OSBP2: variants seen among roughly 807,000 people sequenced by gnomAD.
The protein encoded by OSBP2 is oxysterol binding protein 2.
OSBP2 carries 66 observed loss-of-function variants against 96.0 expected under a neutral mutation model. The ratio of observed to expected loss-of-function variants is 0.69; its 90% CI spans 0.56 to 0.84. The LOEUF (loss-of-function observed/expected upper bound fraction) is 0.84. OSBP2 is among the 40% of genes least tolerant of loss of function. The probability of loss-of-function intolerance (pLI) is 0.00; values close to 1 mark genes in which losing one functional copy is unlikely to be tolerated. For synonymous variants in OSBP2, 525 were observed against 520.9 expected (o/e 1.01, Z -0.11); for missense variants, 1,038 against 1,222.7 (o/e 0.85, Z 2.25).
chr22:30,770,373 G>A (rs1287907305), intron 2 of OSBP2, among the ~76,000 whole-genome samples: 1 of 152,058 alleles, frequency 6.6e-6, no homozygotes, highest in East Asian at 1.9e-4. Context: ...TGGGATTACT[G>A]GCATGAGACA....
chr22:30,858,072 G>A lies in OSBP2; in HGVS notation c.854-12357G>A, dbSNP rs9621121. On this transcript the variant is annotated intron_variant, in intron 2 of 13. Transcript: ENST00000332585. ...TGCGCAGCTAGGCCTCGCCAAGGGGGACCAATCATGGGGAGAATCACAAGA... is the reference window on the plus strand; with the variant it reads ...TGCGCAGCTAGGCCTCGCCAAGGGGAACCAATCATGGGGAGAATCACAAGA... 5.0e-3 allele frequency among the ~76,000 whole-genome samples: 753 copies of A among 152,066 alleles called. 8 individuals are homozygous for A. The highest frequency in any genetic ancestry group is 0.017 in the African/African-American group (712 of 41,418).
rs2039709671 is a variant in OSBP2 at position 30,881,796 on chromosome 22, A to T, written c.1108-5630A>T. The T allele has an allele frequency of 7.7e-7, 1 of 1,303,984 alleles. No individual in the cohort carries two copies. Among genetic ancestry groups the T allele is most frequent in the South Asian group, 1.2e-5 (1 of 81,024 alleles). 80.8% of individuals were successfully genotyped at this position (1,303,984 alleles called of 1,614,324 possible). On this transcript the variant is annotated intron_variant, in intron 3 of 13. Coordinates refer to ENST00000332585, the MANE Select transcript of OSBP2 (RefSeq NM_030758.4). The surrounding 1 kb of genome is among the most constrained non-coding windows in gnomAD (Gnocchi z 4.5). ...AGGAGACCCTGGGAGTCAGGGATGG[A>T]CACCAGGTGGGTGCATCCGGGCTGG...
intron 2 of OSBP2, among the ~76,000 whole-genome samples, chr22:30,837,071 C>T (rs528917960): frequency 2.4e-3 from 366 of 151,930 alleles, no homozygotes; most frequent in Non-Finnish European, 3.7e-3. Flanking sequence ...GCCAACATGG[C>T]GAAACCCCAT....
At chr22:30,822,370 C>T (rs1480545944) in intron 2 of OSBP2, 11 of 560,636 alleles carry the variant, frequency 2.0e-5, no homozygotes, top group East Asian at 3.6e-5. Context: ...CGGGACGAGG[C>T]CGCGCTCCTG....
chr22:30,774,859 A>G (rs968348363), intron 2 of OSBP2, among the ~76,000 whole-genome samples: 2 of 152,246 alleles, frequency 1.3e-5, no homozygotes, highest in Non-Finnish European at 1.5e-5. Flanking sequence ...TTACCAAACA[A>G]TGAGTAACTA....
At chr22:30,901,297 G>A (rs2040188348) in intron 12 of OSBP2, among the ~76,000 whole-genome samples, 1 of 152,074 alleles carries the variant, frequency 6.6e-6, no homozygotes, top group Non-Finnish European at 1.5e-5. Flanking sequence ...TCAAATTCCT[G>A]ACCTCAGGTG....
intron 2 of OSBP2, among the ~76,000 whole-genome samples, chr22:30,771,873 C>T (rs2090350595): frequency 1.3e-5 from 2 of 152,220 alleles, no homozygotes; most frequent in African/African-American, 2.4e-5. Context: ...CCCTGCTCTC[C>T]ACGGCTTGGA....
chr22:30,894,326 G>GAACA (rs1242520589), intron 12 of OSBP2: 3 of 256,422 alleles, frequency 1.2e-5, no homozygotes, highest in Non-Finnish European at 2.2e-5. Flanking sequence ...AGTCCAAAGA[G>GAACA]AACAAATAGA....
chr22:30,873,143 G>A (rs1300818332), intron 3 of OSBP2, among the ~76,000 whole-genome samples: 1 of 152,218 alleles, frequency 6.6e-6, no homozygotes, highest in Non-Finnish European at 1.5e-5. Flanking sequence ...GAGGCTCAGG[G>A]AAGTCACCAG....
rs543777090 is a variant in OSBP2, at chr22:30,886,990, C to CG, written c.1108-432dup. Among the ~76,000 whole-genome samples, 354 of 152,236 alleles carry CG rather than the reference C, an allele frequency of 2.3e-3. 1 individual carries two copies. Among genetic ancestry groups the CG allele is most frequent in the South Asian group, 4.8e-3 (23 of 4,810 alleles). ...GCTACTCCATAGATAGAGCAGCCCC[C>CG]GGGGCTGCTTGTTGCCCATTTTTAT... On this transcript the variant is annotated intron_variant, in intron 3 of 13. Transcript: ENST00000332585.
At chr22:30,874,873 G>A (rs182143503) in intron 3 of OSBP2, among the ~76,000 whole-genome samples, 19 of 152,290 alleles carry the variant, frequency 1.2e-4, no homozygotes, top group Admixed American at 9.2e-4. Flanking sequence ...TTGGGCAGCC[G>A]TCCTCTTGGC....
intron 8 of OSBP2, among the ~76,000 whole-genome samples, chr22:30,891,359 T>G (rs2039943607): frequency 6.6e-6 from 1 of 152,138 alleles, no homozygotes; most frequent in South Asian, 2.1e-4. Context: ...TGCGGTGGGA[T>G]GGACTCTGCC....
At chr22:30,780,218 A>G (rs1295811410) in intron 2 of OSBP2, among the ~76,000 whole-genome samples, 2 of 152,142 alleles carry the variant, frequency 1.3e-5, no homozygotes, top group Non-Finnish European at 2.9e-5. Flanking sequence ...CATTTCCTGC[A>G]CCCCAGTGCT....
At chr22:30,694,317 G>A (rs1436381533), upstream of OSBP2, 1 of 1,548,536 alleles carries the variant, frequency 6.5e-7, no homozygotes, top group South Asian at 1.2e-5. Context: ...CACCGCTTCT[G>A]GCGGCCGCAG....
At position 30,812,132 on chromosome 22, in the gene OSBP2, G is replaced by T. The variant is rs2091016379; in HGVS notation, c.854-58297G>T. Among the ~76,000 whole-genome samples, 3 of 152,000 alleles carry T rather than the reference G, an allele frequency of 2.0e-5. No individual in the cohort carries two copies. In the South Asian group the frequency reaches 6.2e-4, roughly 32 times the overall value. ...GCCTCCCAAAGTGCTGGGATTACAG[G>T]CATGAGCCACCACACCCAGCCTTCT... On this transcript the variant is annotated intron_variant, in intron 2 of 13. Coordinates refer to ENST00000332585, the MANE Select transcript of OSBP2 (RefSeq NM_030758.4).
chr22:30,893,098 C>A, intron 8 of OSBP2, 24 bp from the exon 9 acceptor site: 2 of 1,611,564 alleles, frequency 1.2e-6, no homozygotes, highest in South Asian at 2.2e-5. Context: ...GGCAGATGCT[C>A]ACATCCTATG....
chr22:30,729,687 A>G (rs2145719336), intron 1 of OSBP2, among the ~76,000 whole-genome samples: 2 of 152,172 alleles, frequency 1.3e-5, no homozygotes, highest in East Asian at 3.9e-4. Flanking sequence ...ATATATGTAT[A>G]CACAACAGGG....
chr22:30,793,761 G>A (rs775445004), intron 2 of OSBP2, among the ~76,000 whole-genome samples: 3 of 152,208 alleles, frequency 2.0e-5, no homozygotes, highest in Non-Finnish European at 4.4e-5. Flanking sequence ...TTGGGAGGCT[G>A]AGCCCAGGAG....
At chr22:30,889,710 G>T in intron 7 of OSBP2, 74 bp downstream of exon 7, 3 of 1,424,568 alleles carry the variant, frequency 2.1e-6, no homozygotes, top group Non-Finnish European at 3.0e-6. Context: ...AGCAGTAATG[G>T]CCTGTGTGAA....
Sources: allele counts gnomAD v4.1 joint callset (sites outside exome capture counted in the v4.1 genomes callset), GRCh38; gene constraint gnomAD v4.1.1; non-coding constraint Gnocchi (gnomAD v3.1); transcripts MANE v1.5; gene names NCBI Gene and HGNC (gene_info 2026-07-23, HGNC 2026-07-21).